The following VWF variants were observed in gnomAD, a reference collection of about 807,000 sequenced individuals.
VWF encodes the protein Factor VIII related antigen.
In VWF, 176 loss-of-function variants were observed where a neutral mutation model predicts 308.6. The observed-to-expected ratio is 0.57, with a 90% CI of 0.50 to 0.65. The LOEUF (loss-of-function observed/expected upper bound fraction) is 0.65. Ranked by LOEUF, VWF falls within the 30% of genes least tolerant of loss-of-function variation. The pLI, the probability that VWF is intolerant of heterozygous loss-of-function variation, is 0.00. For missense variants in VWF, 3,146 were observed against 3,648.2 expected, an observed-to-expected ratio of 0.86 and a Z score of 3.55; for synonymous variants, 1,385 against 1,443.4, an observed-to-expected ratio of 0.96 and a Z score of 0.92.
intron 44 of VWF, among the ~76,000 whole-genome samples, chr12:5,970,143 G>A (rs1223361465): frequency 6.6e-6 from 1 of 152,016 alleles, no homozygotes; most frequent in African/African-American, 2.4e-5. Flanking sequence ...CTGACTCCCT[G>A]TGGCCAAATC....
chr12:5,992,327 C>T (rs1943754332), intron 37 of VWF, among the ~76,000 whole-genome samples: 3 of 152,190 alleles, frequency 2.0e-5, no homozygotes, highest in Admixed American at 1.3e-4. Context: ...TTTTAAAAGA[C>T]AGCTATGCAT....
chr12:6,046,257 G>A lies in VWF; in HGVS notation c.2281+466C>T, dbSNP rs569793112. ...CAGTGCAGCCACCGTTAGGACCTTC[G>A]AATGGAGAGCAACGGACCCAACCCT... On this transcript the variant is annotated intron_variant, in intron 17 of 51. Transcript: ENST00000261405. This position sits in a 1 kb window ranked among gnomAD's most constrained non-coding sequence, Gnocchi z 5.0. 1.3e-5 allele frequency among the ~76,000 whole-genome samples: 2 copies of A among 151,922 alleles called. No homozygotes were observed. Among genetic ancestry groups the A allele is most frequent in the Admixed American group, 1.3e-4 (2 of 15,264 alleles).
At chr12:5,950,015 G>T in intron 50 of VWF, 132 bp from the exon 51 acceptor site, 2 of 767,888 alleles carry the variant, frequency 2.6e-6, no homozygotes, top group East Asian at 2.6e-5. Context: ...CCACAGGGAG[G>T]GAATTCAGTT....
At chr12:6,081,164 A>G (rs1944906215) in intron 6 of VWF, among the ~76,000 whole-genome samples, 1 of 152,130 alleles carries the variant, frequency 6.6e-6, no homozygotes, top group Non-Finnish European at 1.5e-5. Context: ...AGCCCACCTA[A>G]AGTACTTTCA....
At chr12:6,106,022 A>T (rs893796939) in intron 5 of VWF, among the ~76,000 whole-genome samples, 1 of 152,164 alleles carries the variant, frequency 6.6e-6, no homozygotes, top group African/African-American at 2.4e-5. Flanking sequence ...CAGCCTGGCG[A>T]CAGAGGGAAA....
At chr12:5,996,729 C>T (rs1225400579) in intron 34 of VWF, among the ~76,000 whole-genome samples, 2 of 121,148 alleles carry the variant, frequency 1.7e-5, no homozygotes, top group Admixed American at 1.1e-4. Flanking sequence ...AGAGATCGCA[C>T]AGGAGAAATA....
At chr12:6,123,273 T>G (rs1945451128) in intron 1 of VWF, 77 bp from the exon 2 acceptor site, 2 of 1,506,744 alleles carry the variant, frequency 1.3e-6, no homozygotes, top group Admixed American at 3.3e-5. Flanking sequence ...TATCAGGGCA[T>G]GCAGTAGCAA....
At chr12:6,025,179 C>T (rs1369441025) in intron 24 of VWF, among the ~76,000 whole-genome samples, 1 of 152,100 alleles carries the variant, frequency 6.6e-6, no homozygotes, top group Non-Finnish European at 1.5e-5. Flanking sequence ...GAAATGGGCA[C>T]CAAGGGGTTT....
At chr12:5,962,554 T>C (rs1943331500) in intron 47 of VWF, among the ~76,000 whole-genome samples, 1 of 142,840 alleles carries the variant, frequency 7.0e-6, no homozygotes, top group Non-Finnish European at 1.5e-5. Context: ...TTTTTTTTTT[T>C]TTTTTTTGAG....
At chr12:6,100,535 A>G (rs1456353775) in intron 5 of VWF, among the ~76,000 whole-genome samples, 1 of 151,522 alleles carries the variant, frequency 6.6e-6, no homozygotes, top group Non-Finnish European at 1.5e-5. Context: ...AATGTGGCAC[A>G]TATACACCAT....
At position 6,075,289 on chromosome 12, in the gene VWF, A is replaced by C; in HGVS notation, c.874+46T>G. Reference sequence around the variant, plus strand: ...CCCTAAGGGACACCACCCAGGACAGACCGTTCATCCCCGGCAGGGCAGGAC... The same window carrying C: ...CCCTAAGGGACACCACCCAGGACAGCCCGTTCATCCCCGGCAGGGCAGGAC... On this transcript the variant is annotated intron_variant, in intron 7 of 51. Coordinates refer to ENST00000261405, the MANE Select transcript of VWF (RefSeq NM_000552.5). The surrounding 1 kb of genome is among the most constrained non-coding windows in gnomAD (Gnocchi z 4.7). The C allele has an allele frequency of 6.2e-7, 1 of 1,611,556 alleles. No individual in the cohort carries two copies. The highest frequency in any genetic ancestry group is 8.5e-7 in the Non-Finnish European group (1 of 1,178,606).
chr12:6,073,618 C>T lies in VWF; in HGVS notation c.997+1G>A. The T allele has an allele frequency of 6.2e-7, 1 of 1,614,050 alleles. No individual in the cohort carries two copies. The highest frequency in any genetic ancestry group is 8.5e-7 in the Non-Finnish European group (1 of 1,180,038). On this transcript the variant is annotated splice_donor_variant, in intron 8 of 51. Transcript: ENST00000261405. LOFTEE classifies it high-confidence loss of function. ...TGTAAATAAAGTGGGAAGTTCATTACCAGGGCAGCTGCAGCCATCCACGCA... is the reference window on the plus strand; with the variant it reads ...TGTAAATAAAGTGGGAAGTTCATTATCAGGGCAGCTGCAGCCATCCACGCA...
chr12:6,091,433 A>G (rs1449065466), intron 6 of VWF, among the ~76,000 whole-genome samples: 1 of 152,206 alleles, frequency 6.6e-6, no homozygotes, highest in East Asian at 1.9e-4. Context: ...CACAATCCCT[A>G]GATAAATTAC....
chr12:5,981,179 G>T (rs1229494727), intron 42 of VWF, among the ~76,000 whole-genome samples: 1 of 152,184 alleles, frequency 6.6e-6, no homozygotes, highest in Non-Finnish European at 1.5e-5. Flanking sequence ...ATGGATGGAT[G>T]AATGGATGGG....
chr12:6,105,991 C>T (rs1313591707), intron 5 of VWF, among the ~76,000 whole-genome samples: 2 of 152,050 alleles, frequency 1.3e-5, no homozygotes, highest in South Asian at 2.1e-4. Context: ...TGCAGTAAGC[C>T]GAGATCAGGC....
At chr12:6,031,312 T>C (rs1944259010) in intron 21 of VWF, 132 bp downstream of exon 21, 1 of 1,496,778 alleles carries the variant, frequency 6.7e-7, no homozygotes, top group Non-Finnish European at 9.2e-7. Context: ...TTGCAATAGC[T>C]CTGCCTCATC....
At chr12:6,008,612 G>A (rs1943957788) in intron 34 of VWF, among the ~76,000 whole-genome samples, 1 of 152,080 alleles carries the variant, frequency 6.6e-6, no homozygotes, top group Non-Finnish European at 1.5e-5. Context: ...TCAGGAAGAC[G>A]GCAAAGATGC....
intron 2 of VWF, 167 bp downstream of exon 2, chr12:6,122,975 C>T (rs1428222063): frequency 2.4e-6 from 2 of 843,396 alleles, no homozygotes; most frequent in South Asian, 1.4e-5. Context: ...CTCTGGAATA[C>T]AAGTCAAGGG....
At position 6,019,886 on chromosome 12, in the gene VWF, T is replaced by C. The variant is rs548861056; in HGVS notation, c.3675-143A>G. 2,393 of 956,984 alleles carry C rather than the reference T, an allele frequency of 2.5e-3. 7 individuals carry two copies. Among genetic ancestry groups the C allele is most frequent in the Non-Finnish European group, 3.4e-3 (2,140 of 622,926 alleles). 59.3% of individuals were successfully genotyped at this position (956,984 alleles called of 1,614,324 possible). A position where few individuals can be genotyped will look rare whatever the true frequency, so the allele number is the denominator to read the frequency against. On this transcript the variant is annotated intron_variant, in intron 27 of 51. Coordinates refer to ENST00000261405, the MANE Select transcript of VWF (RefSeq NM_000552.5). This position sits in a 1 kb window ranked among gnomAD's most constrained non-coding sequence, Gnocchi z 5.8. ...TTGAGATCCCATGGACCATTCCACA[T>C]CCAAGTGAGATGTCATTGTTTAACA...
Sources: gnomAD v4.1 joint callset for allele counts (sites outside exome capture counted in the v4.1 genomes callset) on GRCh38, gnomAD v4.1.1 for gene constraint, Gnocchi (gnomAD v3.1) non-coding constraint, MANE v1.5 for transcripts, NCBI Gene and HGNC (gene_info 2026-07-23, HGNC 2026-07-21) for gene names.